NAV2: variants seen among roughly 807,000 people sequenced by gnomAD.
NAV2 encodes the protein helicase, APC down-regulated 1.
A neutral mutation model predicts 223.2 loss-of-function variants in NAV2; 54 were observed. The ratio of observed to expected loss-of-function variants is 0.24; its 90% CI spans 0.19 to 0.30. The LOEUF (loss-of-function observed/expected upper bound fraction) is 0.30, where lower values mean the gene tolerates loss of function less well. Ranked by LOEUF, NAV2 falls within the 10% of genes least tolerant of loss-of-function variation. NAV2 has a pLI of 1.00. For synonymous variants in NAV2, 1,279 were observed against 1,239.3 expected (o/e 1.03, Z -0.67); for missense variants, 2,806 against 3,147.5 (o/e 0.89, Z 2.60).
intron 26 of NAV2, among the ~76,000 whole-genome samples, chr11:20,085,800 G>A (rs1358515683): frequency 1.3e-5 from 2 of 152,234 alleles, no homozygotes; most frequent in African/African-American, 4.8e-5. Context: ...GGAGAGTGCA[G>A]AGGAACCTGC....
chr11:19,550,145 T>A (rs1441852911), intron 1 of NAV2, among the ~76,000 whole-genome samples: 2 of 152,176 alleles, frequency 1.3e-5, no homozygotes, highest in Admixed American at 1.3e-4. Context: ...CCAGAAAAAC[T>A]CTGGGACCTG....
chr11:20,072,902 G>C (rs1057125818), intron 22 of NAV2, among the ~76,000 whole-genome samples: 12 of 152,044 alleles, frequency 7.9e-5, no homozygotes, highest in African/African-American at 2.4e-4. Context: ...TTGACTTCCT[G>C]TTTTCCCAAT....
At chr11:20,091,156 C>A (rs765811428) in intron 27 of NAV2, 138 bp downstream of exon 27, 2 of 759,576 alleles carry the variant, frequency 2.6e-6, no homozygotes, top group Non-Finnish European at 4.1e-6. Context: ...TCTTTTCAGT[C>A]CCTCCCACAC....
intron 1 of NAV2, among the ~76,000 whole-genome samples, chr11:19,491,638 A>T (rs1358232350): frequency 6.6e-6 from 1 of 152,190 alleles, no homozygotes; most frequent in Non-Finnish European, 1.5e-5. Context: ...TGTCCAGACA[A>T]TTAGAACTTT....
At chr11:20,046,545 C>T (rs1001727806) in intron 14 of NAV2, among the ~76,000 whole-genome samples, 5 of 151,380 alleles carry the variant, frequency 3.3e-5, no homozygotes, top group East Asian at 2.0e-4. Flanking sequence ...TATACTTTTA[C>T]GCTACTCCGG....
At chr11:19,675,860 T>A (rs1190121377) in intron 1 of NAV2, among the ~76,000 whole-genome samples, 1 of 152,236 alleles carries the variant, frequency 6.6e-6, no homozygotes, top group Non-Finnish European at 1.5e-5. Context: ...AATAATAATA[T>A]CAATCGCAAG....
intron 22 of NAV2, among the ~76,000 whole-genome samples, chr11:20,075,202 GTTTT>G (rs1205962341): frequency 7.4e-6 from 1 of 135,220 alleles, no homozygotes; most frequent in African/African-American, 3.0e-5. Context: ...CTGTCTCCAT[GTTTT>G]TTGTTTTTTT....
In NAV2 at chr11:19,624,713, G is replaced by A. The variant is rs115510017; in HGVS notation, c.76-207771G>A. Among the ~76,000 whole-genome samples the A allele has an allele frequency of 4.3e-3, 652 of 152,282 alleles. 2 individuals carry two copies. The highest frequency in any genetic ancestry group is 0.015 in the African/African-American group (619 of 41,556). On this transcript the variant is annotated intron_variant, in intron 1 of 37. Coordinates refer to the NAV2 transcript ENST00000360655. ...ACCCCTTGTGCTTCCTGGGTGAGGC[G>A]ATTCCTCGCCCTGCTTCGGCTCACG... is the stretch of plus-strand genomic sequence containing the variant.
At chr11:19,566,810 G>T (rs542781977) in intron 1 of NAV2, among the ~76,000 whole-genome samples, 289 of 152,290 alleles carry the variant, frequency 1.9e-3, no homozygotes, top group African/African-American at 6.5e-3. Context: ...GTCTAGAGGG[G>T]CATGATAACT....
chr11:19,381,536 G>T (rs188996884), intron 1 of NAV2, among the ~76,000 whole-genome samples: 1 of 152,290 alleles, frequency 6.6e-6, no homozygotes, highest in East Asian at 1.9e-4. Context: ...TCTTTCCAGA[G>T]ATGAGAAAGG....
In NAV2 at chr11:19,557,317, A is replaced by T. The variant is rs140329466; in HGVS notation, c.75+206290A>T. On this transcript the variant is annotated intron_variant, in intron 1 of 37. Transcript: ENST00000360655. ...ACCAGAGTTTGAACCGAGGTGTATC[A>T]TTCAAACCCAGACTCTTACCTGTTA... Among the ~76,000 whole-genome samples, 86 of 152,372 alleles carry T rather than the reference A, an allele frequency of 5.6e-4. 1 individual carries two copies. The highest frequency in any genetic ancestry group is 2.7e-3 in the Admixed American group (42 of 15,304).
chr11:19,881,016 C>T (rs2063171139), intron 5 of NAV2, among the ~76,000 whole-genome samples: 1 of 152,126 alleles, frequency 6.6e-6, no homozygotes, highest in Non-Finnish European at 1.5e-5. Context: ...AGAGTAATGG[C>T]CTTTTCTTTT....
chr11:19,803,095 T>G (rs2058360844), intron 1 of NAV2, among the ~76,000 whole-genome samples: 1 of 152,226 alleles, frequency 6.6e-6, no homozygotes, highest in Non-Finnish European at 1.5e-5. Context: ...TCATTAAAGT[T>G]CAACCAGTGG....
chr11:20,071,628 T>C (rs898583459), intron 22 of NAV2, among the ~76,000 whole-genome samples: 28 of 131,340 alleles, frequency 2.1e-4, no homozygotes, highest in Non-Finnish European at 3.3e-4. Context: ...GCATCTGTTG[T>C]TCCTTGACTT....
At chr11:19,869,255 A>G (rs1010105166) in intron 4 of NAV2, among the ~76,000 whole-genome samples, 3 of 152,132 alleles carry the variant, frequency 2.0e-5, no homozygotes, top group Non-Finnish European at 4.4e-5. Context: ...TTTGAGAAAG[A>G]CTTGCTTAAA....
In NAV2 at chr11:20,101,215, C is replaced by T. The variant is rs760439757; in HGVS notation, c.6417+43C>T. The stretch of plus-strand genomic sequence containing the variant: ...AGTCTGCTGTATTTTTTGGCCCTTT[C>T]AAAACTGATGATATCACCACTAGCC... On this transcript the variant is annotated intron_variant, in intron 32 of 37. Transcript: ENST00000349880. The T allele has an allele frequency of 2.1e-6, 3 of 1,450,122 alleles. No individual in the cohort carries two copies. The South Asian group carries it at 3.6e-5, about 17-fold the overall frequency. 89.8% of individuals were successfully genotyped at this position (1,450,122 alleles called of 1,614,324 possible).
At chr11:20,034,354 T>G (rs536270060) in intron 11 of NAV2, among the ~76,000 whole-genome samples, 1 of 92,702 alleles carries the variant, frequency 1.1e-5, no homozygotes, top group South Asian at 4.0e-4. Flanking sequence ...TCAGCAAGTT[T>G]TTTTTTTGTT....
At chr11:19,664,022 G>A (rs753661350) in intron 1 of NAV2, among the ~76,000 whole-genome samples, 9 of 152,162 alleles carry the variant, frequency 5.9e-5, no homozygotes, top group Non-Finnish European at 1.3e-4. Flanking sequence ...CAGTGCACAA[G>A]AAGGCCACTA....
intron 10 of NAV2, among the ~76,000 whole-genome samples, chr11:19,972,905 C>T (rs1289643980): frequency 1.3e-5 from 2 of 152,198 alleles, no homozygotes; most frequent in African/African-American, 4.8e-5. Flanking sequence ...ACATAGGCCT[C>T]CTCTGGGCAA....
Sources: allele counts gnomAD v4.1 joint callset (sites outside exome capture counted in the v4.1 genomes callset), GRCh38; gene constraint gnomAD v4.1.1; transcripts MANE v1.5; gene names NCBI Gene and HGNC (gene_info 2026-07-23, HGNC 2026-07-21).